Variants in AUTS2 observed in about 807,000 individuals in gnomAD.
AUTS2 encodes the protein activator of transcription and developmental regulator AUTS2, also known as autism susceptibility gene 2 protein.
Under a neutral mutation model 112.4 loss-of-function variants are expected in AUTS2, and 17 were observed. That is an observed-to-expected ratio of 0.15 (90% CI 0.10 to 0.23). AUTS2 has a LOEUF of 0.23. Among genes scored for constraint, AUTS2 ranks in the 10% least tolerant of loss-of-function variants. The probability of loss-of-function intolerance (pLI) is 1.00; values close to 1 mark genes in which losing one functional copy is unlikely to be tolerated. For synonymous variants in AUTS2, 751 were observed against 702.7 expected, an observed-to-expected ratio of 1.07 and a Z score of -1.09; for missense variants, 1,510 against 1,701.6, an observed-to-expected ratio of 0.89 and a Z score of 1.98.
At chr7:70,561,004 C>T (rs28489706) in intron 5 of AUTS2, among the ~76,000 whole-genome samples, 22 of 152,072 alleles carry the variant, frequency 1.4e-4, no homozygotes, top group African/African-American at 5.1e-4. Flanking sequence ...CAAATATGAC[C>T]CCATAAAGTT....
At chr7:70,354,117 T>A (rs10486875) in intron 4 of AUTS2, among the ~76,000 whole-genome samples, 43,896 of 152,156 alleles carry the variant, frequency 0.29, 6,637 homozygotes, top group Middle Eastern at 0.37. Flanking sequence ...TCTAGCAGAT[T>A]TAAGTTTCTC....
At chr7:69,900,236 A>C (rs1031541650) in intron 2 of AUTS2, among the ~76,000 whole-genome samples, 1 of 152,244 alleles carries the variant, frequency 6.6e-6, no homozygotes, top group Non-Finnish European at 1.5e-5. Flanking sequence ...ACAAATCCAG[A>C]GGCTTCAGTG....
chr7:70,400,424 G>T (rs1196217563), intron 4 of AUTS2, among the ~76,000 whole-genome samples: 1 of 152,152 alleles, frequency 6.6e-6, no homozygotes, highest in East Asian at 1.9e-4. Context: ...CCTAGCTCTA[G>T]CCTGTCGCAA....
chr7:69,601,314 T>G (rs1326869549), intron 1 of AUTS2, among the ~76,000 whole-genome samples: 1 of 152,172 alleles, frequency 6.6e-6, no homozygotes. Flanking sequence ...TTTGCGTTAT[T>G]ATGGTATTGT....
At chr7:69,614,344 C>CTTTCTTTCTTTTCTTTCT (rs1793218485) in intron 1 of AUTS2, among the ~76,000 whole-genome samples, 3 of 74,706 alleles carry the variant, frequency 4.0e-5, no homozygotes, top group Non-Finnish European at 5.9e-5. Context: ...TTCTTTCTTT[C>CTTTCTTTCTTTTCTTTCT]TTTCTTTCTT....
intron 2 of AUTS2, among the ~76,000 whole-genome samples, chr7:69,926,054 T>C (rs1795994760): frequency 6.6e-6 from 1 of 152,186 alleles, no homozygotes; most frequent in African/African-American, 2.4e-5. Context: ...TTTAAATTTA[T>C]TGGCACAATT....
chr7:70,056,113 G>A (rs914188565), intron 2 of AUTS2, among the ~76,000 whole-genome samples: 2 of 151,744 alleles, frequency 1.3e-5, no homozygotes, highest in Non-Finnish European at 2.9e-5. Flanking sequence ...TCAGCCTCCC[G>A]AGTAGCTGGG....
rs149569329 is a variant in AUTS2 at position 69,868,625 on chromosome 7, C to G, written c.310-30661C>G. ...ATGATTCTGCAATATTTGTTCCATGCTTTGCTTTTTACCAAGCCTGTGCAT... is the reference window on the plus strand; with the variant it reads ...ATGATTCTGCAATATTTGTTCCATGGTTTGCTTTTTACCAAGCCTGTGCAT... On this transcript the variant is annotated intron_variant, in intron 1 of 18. Coordinates refer to ENST00000342771, the MANE Select transcript of AUTS2 (RefSeq NM_015570.4). Among the ~76,000 whole-genome samples, 178 of 152,270 alleles carry G rather than the reference C, an allele frequency of 1.2e-3. 1 individual carries two copies. In the East Asian group the frequency reaches 0.012, roughly 10 times the overall value.
At chr7:70,481,006 G>A (rs1354080261) in intron 5 of AUTS2, among the ~76,000 whole-genome samples, 3 of 152,208 alleles carry the variant, frequency 2.0e-5, no homozygotes, top group Non-Finnish European at 4.4e-5. Context: ...TAAAGGCTCT[G>A]AGATGAGTTT....
At chr7:70,235,943 A>C (rs1812306209) in intron 4 of AUTS2, among the ~76,000 whole-genome samples, 1 of 152,142 alleles carries the variant, frequency 6.6e-6, no homozygotes, top group African/African-American at 2.4e-5. Context: ...CTGTCTTCAC[A>C]GGGGCCCTCT....
intron 1 of AUTS2, among the ~76,000 whole-genome samples, chr7:69,806,819 T>A (rs73172903): frequency 0.076 from 11,541 of 152,278 alleles, 585 homozygotes; most frequent in African/African-American, 0.14. Context: ...ATAGTCGTCT[T>A]CTTTCTTGTG....
intron 4 of AUTS2, among the ~76,000 whole-genome samples, chr7:70,306,342 C>CA: frequency 6.6e-6 from 1 of 152,200 alleles, no homozygotes; most frequent in South Asian, 2.1e-4. Flanking sequence ...GCTGTTTCAA[C>CA]AGCTGGGCTT....
intron 1 of AUTS2, among the ~76,000 whole-genome samples, chr7:69,730,183 A>T: frequency 6.7e-6 from 1 of 150,254 alleles, no homozygotes. Context: ...TATTTTTTCC[A>T]AGTTTTTTCT....
chr7:70,468,364 A>G (rs1797248835), intron 5 of AUTS2, among the ~76,000 whole-genome samples: 1 of 152,204 alleles, frequency 6.6e-6, no homozygotes, highest in African/African-American at 2.4e-5. Context: ...CTCCTGCTCT[A>G]CCTTCCTGTC....
At chr7:70,197,321 T>TTACG (rs1249517373) in intron 4 of AUTS2, among the ~76,000 whole-genome samples, 1 of 151,876 alleles carries the variant, frequency 6.6e-6, no homozygotes, top group Non-Finnish European at 1.5e-5. Flanking sequence ...GGAAAGAAGT[T>TTACG]TACGGATGGA....
intron 4 of AUTS2, among the ~76,000 whole-genome samples, chr7:70,308,851 A>C (rs1341825082): frequency 2.6e-5 from 4 of 152,156 alleles, no homozygotes; most frequent in Non-Finnish European, 5.9e-5. Flanking sequence ...GGCTGAATAA[A>C]ATAAGAGGTG....
At chr7:70,293,438 G>A (rs115534117) in intron 4 of AUTS2, 5 of 152,250 alleles carry the variant, frequency 3.3e-5, no homozygotes, top group African/African-American at 1.2e-4. Context: ...TGTTCTACCT[G>A]TCAGAGATAT....
intron 5 of AUTS2, among the ~76,000 whole-genome samples, chr7:70,637,390 A>G (rs1281417779): frequency 1.3e-5 from 2 of 152,224 alleles, no homozygotes; most frequent in Non-Finnish European, 2.9e-5. Flanking sequence ...ATCTCAGAAC[A>G]GATGCTGCAA....
At chr7:70,682,948 C>G (rs1808283509) in intron 5 of AUTS2, among the ~76,000 whole-genome samples, 1 of 152,216 alleles carries the variant, frequency 6.6e-6, no homozygotes, top group African/African-American at 2.4e-5. Flanking sequence ...AACTGTGTTA[C>G]AAGCTTAAAT....
Sources: allele counts gnomAD v4.1 joint callset (sites outside exome capture counted in the v4.1 genomes callset), GRCh38; gene constraint gnomAD v4.1.1; transcripts MANE v1.5; gene names NCBI Gene and HGNC (gene_info 2026-07-23, HGNC 2026-07-21).